The following MYLK4 variants were observed in gnomAD, a reference collection of about 807,000 sequenced individuals.
MYLK4 encodes the protein caMLCK like.
In MYLK4, 46 loss-of-function variants were observed where a neutral mutation model predicts 48.1. That is an observed-to-expected ratio of 0.96 (90% CI 0.75 to 1.22). The LOEUF (loss-of-function observed/expected upper bound fraction) is 1.22. Ranked by LOEUF, MYLK4 falls within the 50% of genes most tolerant of loss-of-function variation. The probability of loss-of-function intolerance (pLI) is 0.00; values close to 1 mark genes in which losing one functional copy is unlikely to be tolerated. For synonymous variants in MYLK4, 170 were observed against 180.8 expected (o/e 0.94, Z 0.48); for missense variants, 451 against 486.1 (o/e 0.93, Z 0.68).
At chr6:2,717,565 A>G (rs1762913178) in intron 2 of MYLK4, among the ~76,000 whole-genome samples, 1 of 152,228 alleles carries the variant, frequency 6.6e-6, no homozygotes. Flanking sequence ...TTAGACTGTA[A>G]TCTTGGGCTT....
chr6:2,726,875 G>T (rs1191824834), intron 2 of MYLK4, among the ~76,000 whole-genome samples: 2 of 152,134 alleles, frequency 1.3e-5, no homozygotes, highest in East Asian at 3.9e-4. Context: ...GCCTCCCAAA[G>T]TGCTGGGATT....
chr6:2,729,935 G>A (rs1435160354), intron 2 of MYLK4, among the ~76,000 whole-genome samples: 1 of 152,170 alleles, frequency 6.6e-6, no homozygotes, highest in Non-Finnish European at 1.5e-5. Flanking sequence ...CACAGTTGGC[G>A]GTCTTCAAAC....
chr6:2,728,731 C>G (rs1008136662), intron 2 of MYLK4, among the ~76,000 whole-genome samples: 1 of 152,218 alleles, frequency 6.6e-6, no homozygotes, highest in Admixed American at 6.5e-5. Flanking sequence ...TTTCACCAAC[C>G]TGGAAACCAA....
intron 4 of MYLK4, among the ~76,000 whole-genome samples, chr6:2,687,625 C>T (rs532053602): frequency 6.6e-6 from 1 of 152,302 alleles, no homozygotes; most frequent in Non-Finnish European, 1.5e-5. Flanking sequence ...TGTGGAATTC[C>T]TGTTTCTCCC....
chr6:2,742,775 G>C (rs932554184), intron 2 of MYLK4, among the ~76,000 whole-genome samples: 3 of 148,910 alleles, frequency 2.0e-5, no homozygotes, highest in Non-Finnish European at 4.5e-5. Flanking sequence ...GCTAAATGAC[G>C]AGTTAATGGG....
rs570728519 is a variant in MYLK4, at chr6:2,666,524, T to TA, written c.*1400dup. ...CCTCGTGACAGAGCGAGACTCCGTC[T>TA]AAAAAAAAAAAACAAAGAATAAAGG... On this transcript the variant is annotated 3_prime_UTR_variant, in exon 13 of 13. Coordinates refer to ENST00000274643, the MANE Select transcript of MYLK4 (RefSeq NM_001012418.5). The TA allele has an allele frequency of 1.9e-3, 272 of 144,036 alleles. No individual in the cohort carries two copies. The South Asian group carries it at 0.019, about 10-fold the overall frequency. The allele number at this position is 144,036 out of a possible 1,614,324, so 8.9% of individuals were successfully genotyped here. A position where few individuals can be genotyped will look rare whatever the true frequency, so the allele number is the denominator to read the frequency against.
At chr6:2,767,059 C>T in the MYLK4 span, among the ~76,000 whole-genome samples, 2 of 152,280 alleles carry the variant, frequency 1.3e-5, no homozygotes, top group African/African-American at 4.8e-5. Flanking sequence ...AAGTCATTTT[C>T]ATCCGGTATT....
At chr6:2,743,407 G>A (rs533101164) in intron 2 of MYLK4, among the ~76,000 whole-genome samples, 2 of 152,248 alleles carry the variant, frequency 1.3e-5, no homozygotes, top group South Asian at 2.1e-4. Flanking sequence ...ATTCTGCTAC[G>A]CTTCTGACTG....
chr6:2,750,348 C>T (rs1234753555), intron 1 of MYLK4, among the ~76,000 whole-genome samples: 1 of 152,156 alleles, frequency 6.6e-6, no homozygotes, highest in Non-Finnish European at 1.5e-5. Flanking sequence ...TATACTTATC[C>T]ACATAAAGAG....
At chr6:2,767,450 A>G in the MYLK4 span, among the ~76,000 whole-genome samples, 1 of 152,166 alleles carries the variant, frequency 6.6e-6, no homozygotes. Flanking sequence ...TATCTCCCAC[A>G]ACTTAAGCAC....
In MYLK4 at chr6:2,688,966, G is replaced by A. The variant is rs1200502159; in HGVS notation, c.236-10C>T. 1 of 1,612,578 alleles carries A rather than the reference G, an allele frequency of 6.2e-7. No individual in the cohort carries two copies. Among genetic ancestry groups the A allele is most frequent in the Non-Finnish European group, 8.5e-7 (1 of 1,178,664 alleles). Reference sequence around the variant, plus strand: ...GGAGCCGGGATGTCAACTAGAAGGTGAGAGAAACAGAAGGGCAATCTGTCA... The same window carrying A: ...GGAGCCGGGATGTCAACTAGAAGGTAAGAGAAACAGAAGGGCAATCTGTCA... On this transcript the variant is annotated splice_polypyrimidine_tract_variant and intron_variant, in intron 3 of 12. Coordinates refer to ENST00000274643, the MANE Select transcript of MYLK4 (RefSeq NM_001012418.5).
the MYLK4 span, among the ~76,000 whole-genome samples, chr6:2,765,202 C>G: frequency 7.9e-6 from 1 of 126,720 alleles, no homozygotes; most frequent in East Asian, 2.6e-4. Context: ...CCGCCCCTCC[C>G]CCGCCCCCGC....
At chr6:2,719,078 A>G (rs1762970758) in intron 2 of MYLK4, among the ~76,000 whole-genome samples, 1 of 152,216 alleles carries the variant, frequency 6.6e-6, no homozygotes, top group South Asian at 2.1e-4. Context: ...GAATGAGGGA[A>G]AACGGGGCGC....
chr6:2,766,141 TGGCGAC>T, the MYLK4 span: 4 of 1,241,178 alleles, frequency 3.2e-6, no homozygotes, highest in East Asian at 3.1e-5. Context: ...GCGACGGCGA[TGGCGAC>T]GGGGACGCGG....
intron 2 of MYLK4, among the ~76,000 whole-genome samples, chr6:2,748,239 A>G (rs1435078812): frequency 1.3e-5 from 2 of 152,230 alleles, no homozygotes; most frequent in Non-Finnish European, 2.9e-5. Flanking sequence ...TTCCAAAAAC[A>G]CTTTTGGTGC....
At chr6:2,744,012 C>T (rs184249064) in intron 2 of MYLK4, 1 of 399,092 alleles carries the variant, frequency 2.5e-6, no homozygotes, top group East Asian at 3.6e-5. Context: ...ACCCAGACGT[C>T]TTTTCTTCTG....
At chr6:2,715,847 A>C (rs2113267698) in intron 2 of MYLK4, among the ~76,000 whole-genome samples, 2 of 152,318 alleles carry the variant, frequency 1.3e-5, no homozygotes, top group South Asian at 4.1e-4. Context: ...ATAGTCAAAT[A>C]ACTCAGAACA....
chr6:2,691,476 A>G (rs1337083280), intron 3 of MYLK4, among the ~76,000 whole-genome samples: 2 of 152,248 alleles, frequency 1.3e-5, no homozygotes, highest in African/African-American at 4.8e-5. Flanking sequence ...ACCTGAATCT[A>G]TAAGTGAAAC....
Position 2,664,695 on chromosome 6 carries a change from T to A in MYLK4, c.*3230A>T, listed in dbSNP as rs1162176884. The A allele has an allele frequency of 6.6e-6, 1 of 152,232 alleles. No homozygotes were observed. The highest frequency in any genetic ancestry group is 2.4e-5 in the African/African-American group (1 of 41,456). 9.4% of individuals were successfully genotyped at this position (152,232 alleles called of 1,614,324 possible). On this transcript the variant is annotated 3_prime_UTR_variant, in exon 13 of 13. Transcript: ENST00000274643. Reference sequence around the variant, plus strand: ...AAAGCAAGCCACAACAATGGCAACATGCCTACTTACATTTTTGAGGAAAGA... The same window carrying A: ...AAAGCAAGCCACAACAATGGCAACAAGCCTACTTACATTTTTGAGGAAAGA...
Sources: allele counts gnomAD v4.1 joint callset (sites outside exome capture counted in the v4.1 genomes callset), GRCh38; gene constraint gnomAD v4.1.1; transcripts MANE v1.5; gene names NCBI Gene and HGNC (gene_info 2026-07-23, HGNC 2026-07-21).